Variants in SHC3 observed in about 807,000 individuals in gnomAD.
SHC3 encodes the protein SHC adaptor protein 3, also known as SHC-transforming protein 3.
In SHC3, 15 loss-of-function variants were observed where a neutral mutation model predicts 60.4. The observed-to-expected ratio is 0.25, with a 90% CI of 0.17 to 0.38. SHC3 has a LOEUF of 0.38. Ranked by LOEUF, SHC3 falls within the 10% of genes least tolerant of loss-of-function variation. The pLI is 1.00. For missense variants in SHC3, 677 were observed against 786.1 expected, an observed-to-expected ratio of 0.86 and a Z score of 1.66; for synonymous variants, 294 against 325.9, an observed-to-expected ratio of 0.90 and a Z score of 1.05.
intron 1 of SHC3, among the ~76,000 whole-genome samples, chr9:89,130,045 A>C (rs1219537900): frequency 6.6e-6 from 1 of 152,204 alleles, no homozygotes; most frequent in Admixed American, 6.5e-5. Context: ...CACACTCAAA[A>C]TAAAGGGATG....
chr9:89,142,710 C>G (rs1826412259), intron 1 of SHC3, among the ~76,000 whole-genome samples: 2 of 151,108 alleles, frequency 1.3e-5, no homozygotes, highest in African/African-American at 4.8e-5. Context: ...GTGTCTTTTA[C>G]CCACTCTGTC....
intron 9 of SHC3, among the ~76,000 whole-genome samples, chr9:89,044,194 G>C (rs1006541398): frequency 6.6e-6 from 1 of 152,216 alleles, no homozygotes; most frequent in African/African-American, 2.4e-5. Flanking sequence ...GCACACACAT[G>C]TTATGGAAAT....
chr9:89,142,243 G>A (rs995890461), intron 1 of SHC3, among the ~76,000 whole-genome samples: 1 of 152,120 alleles, frequency 6.6e-6, no homozygotes, highest in African/African-American at 2.4e-5. Flanking sequence ...AAGTTCAGTC[G>A]AGTTTCCTTG....
At chr9:89,064,187 A>G (rs1825137338) in intron 6 of SHC3, among the ~76,000 whole-genome samples, 1 of 152,200 alleles carries the variant, frequency 6.6e-6, no homozygotes, top group Non-Finnish European at 1.5e-5. Flanking sequence ...AATTAATGCA[A>G]TACCATCATA....
intron 2 of SHC3, chr9:89,109,509 T>G: frequency 1.0e-6 from 1 of 985,482 alleles, no homozygotes. Flanking sequence ...AGAGCATTTA[T>G]AGAATGTTGG....
intron 6 of SHC3, among the ~76,000 whole-genome samples, chr9:89,055,937 A>G (rs191654822): frequency 4.3e-4 from 65 of 152,378 alleles, no homozygotes; most frequent in African/African-American, 1.3e-3. Flanking sequence ...CTTTTAAAAG[A>G]TATCTTTTGT....
intron 9 of SHC3, among the ~76,000 whole-genome samples, chr9:89,043,018 C>T (rs1021103541): frequency 3.9e-5 from 6 of 152,166 alleles, no homozygotes; most frequent in Admixed American, 6.5e-5. Flanking sequence ...TTTGTGTGTG[C>T]GCCCTGTCTC....
Position 89,013,363 on chromosome 9 carries a change from T to C in SHC3, c.*84A>G. 3.6e-6 allele frequency: 5 copies of C among 1,384,462 alleles called. No individual in the cohort carries two copies. The Admixed American group carries it at 1.0e-4, about 29-fold the overall frequency. The allele number at this position is 1,384,462 out of a possible 1,614,324, so 85.8% of individuals were successfully genotyped here. ...AAGAAGGCTCTGAGCCACAGGCAGC[T>C]GTCCCAGTTCCAGCAGCCCCGATTC... On this transcript the variant is annotated 3_prime_UTR_variant, in exon 12 of 12. Coordinates refer to ENST00000375835, the MANE Select transcript of SHC3 (RefSeq NM_016848.6).
intron 2 of SHC3, among the ~76,000 whole-genome samples, chr9:89,104,007 T>C (rs1564145870): frequency 2.0e-5 from 3 of 152,198 alleles, no homozygotes; most frequent in Admixed American, 2.0e-4. Flanking sequence ...ACAAATGTGC[T>C]TCTGGCATGA....
At chr9:89,048,168 C>A (rs962119443) in intron 7 of SHC3, among the ~76,000 whole-genome samples, 2 of 149,762 alleles carry the variant, frequency 1.3e-5, no homozygotes, top group African/African-American at 4.9e-5. Context: ...TGCTTGAACC[C>A]GGGAGGTGGA....
intron 4 of SHC3, among the ~76,000 whole-genome samples, chr9:89,073,473 C>T (rs1825306651): frequency 6.6e-6 from 1 of 152,144 alleles, no homozygotes; most frequent in Non-Finnish European, 1.5e-5. Context: ...GAGTGTCTAG[C>T]CAGGCTGTTC....
At chr9:89,114,174 T>C (rs779024705) in intron 1 of SHC3, among the ~76,000 whole-genome samples, 14 of 152,162 alleles carry the variant, frequency 9.2e-5, no homozygotes, top group Non-Finnish European at 2.9e-5. Flanking sequence ...GTTCCAGAAT[T>C]ATGAGAATTA....
intron 2 of SHC3, among the ~76,000 whole-genome samples, chr9:89,079,762 G>A (rs1327976023): frequency 6.6e-6 from 1 of 152,190 alleles, no homozygotes; most frequent in Non-Finnish European, 1.5e-5. Flanking sequence ...AGAATGCACA[G>A]GTCTCAGGGC....
chr9:89,084,023 C>T (rs962281280), intron 2 of SHC3, among the ~76,000 whole-genome samples: 2 of 152,166 alleles, frequency 1.3e-5, no homozygotes, highest in African/African-American at 2.4e-5. Flanking sequence ...CCAAACCATT[C>T]GGAGAAACTG....
At chr9:89,084,325 G>T (rs1379290366) in intron 2 of SHC3, among the ~76,000 whole-genome samples, 1 of 152,126 alleles carries the variant, frequency 6.6e-6, no homozygotes, top group Non-Finnish European at 1.5e-5. Flanking sequence ...ATACTGGTTG[G>T]TAATTATTAA....
intron 2 of SHC3, among the ~76,000 whole-genome samples, chr9:89,108,470 A>G (rs898680456): frequency 1.3e-5 from 2 of 152,148 alleles, no homozygotes; most frequent in Non-Finnish European, 2.9e-5. Context: ...GCAGTGAACC[A>G]AGATTGCACC....
intron 2 of SHC3, among the ~76,000 whole-genome samples, chr9:89,092,610 T>C (rs945584953): frequency 2.1e-4 from 27 of 131,456 alleles, no homozygotes; most frequent in African/African-American, 7.8e-4. Flanking sequence ...GGCAAGACTC[T>C]GTCTCAAAAA....
intron 9 of SHC3, among the ~76,000 whole-genome samples, chr9:89,042,476 C>A (rs976925510): frequency 6.6e-6 from 1 of 152,214 alleles, no homozygotes; most frequent in Non-Finnish European, 1.5e-5. Context: ...GCCCCAAGAC[C>A]GCAGGAGCCT....
chr9:89,072,044 T>A (rs1423210115), intron 4 of SHC3, among the ~76,000 whole-genome samples: 1 of 152,236 alleles, frequency 6.6e-6, no homozygotes, highest in Non-Finnish European at 1.5e-5. Context: ...TGTGGAATGT[T>A]TAATCTGTAA....
Sources: gnomAD v4.1 joint callset for allele counts (sites outside exome capture counted in the v4.1 genomes callset) on GRCh38, gnomAD v4.1.1 for gene constraint, MANE v1.5 for transcripts, NCBI Gene and HGNC (gene_info 2026-07-23, HGNC 2026-07-21) for gene names.